The following KIF13A variants were observed in gnomAD, a reference collection of about 807,000 sequenced individuals.
KIF13A encodes the protein kinesin-like protein KIF13A.
A neutral mutation model predicts 212.2 loss-of-function variants in KIF13A; 79 were observed. The observed-to-expected ratio is 0.37, with a 90% CI of 0.31 to 0.45. KIF13A has a LOEUF of 0.45. KIF13A is among the 20% of genes least tolerant of loss of function. KIF13A has a pLI of 1.00. For synonymous variants in KIF13A, 789 were observed against 808.6 expected, an observed-to-expected ratio of 0.98 and a Z score of 0.41; for missense variants, 1,901 against 2,209.0, an observed-to-expected ratio of 0.86 and a Z score of 2.79.
chr6:17,837,720 G>A lies in KIF13A; in HGVS notation c.831-137C>T. 1 of 621,078 alleles carries A rather than the reference G, an allele frequency of 1.6e-6. No homozygotes were observed. The highest frequency in any genetic ancestry group is 2.8e-6 in the Non-Finnish European group (1 of 355,632). The allele number at this position is 621,078 out of a possible 1,614,324, so 38.5% of individuals were successfully genotyped here. A position where few individuals can be genotyped will look rare whatever the true frequency, so the allele number is the denominator to read the frequency against. Reference sequence around the variant, plus strand: ...TAATCCCAGCACTTTGGGAGGCCAAGGTGGATGAATCACTTGAGGCCAGGG... The same window carrying A: ...TAATCCCAGCACTTTGGGAGGCCAAAGTGGATGAATCACTTGAGGCCAGGG... On this transcript the variant is annotated intron_variant, in intron 9 of 38. Coordinates refer to ENST00000259711, the MANE Select transcript of KIF13A (RefSeq NM_022113.6). This position sits in a 1 kb window ranked among gnomAD's most constrained non-coding sequence, Gnocchi z 5.4.
rs1181164813 is a variant in KIF13A, at chr6:17,831,136, G to A, written c.1366C>T (p.Pro456Ser). 6.2e-7 allele frequency: 1 copy of A among 1,613,580 alleles called. No homozygotes were observed. Among genetic ancestry groups the A allele is most frequent in the Admixed American group, 1.7e-5 (1 of 59,966 alleles). Residue 456 changes from proline to serine, a missense_variant, in exon 13 of 39, where the codon CCT becomes TCT. This residue lies in a region of KIF13A where 506 missense variants were observed against 637.4 expected (regional missense o/e 0.79). Coordinates refer to ENST00000259711, the MANE Select transcript of KIF13A (RefSeq NM_022113.6). ...TAAACCAGAAGTTCGTTAAGAGCAG[G>A]GTCTGCATTCAGATTGACTAAGTAG... ...KCYLVNLNAD[P>S]ALNELLVYYL...
At chr6:17,858,805 G>A (rs1562064612) in intron 4 of KIF13A, among the ~76,000 whole-genome samples, 1 of 152,202 alleles carries the variant, frequency 6.6e-6, no homozygotes, top group East Asian at 1.9e-4. Flanking sequence ...CCCAGGAAGG[G>A]AGTGGGGTGA....
intron 2 of KIF13A, among the ~76,000 whole-genome samples, chr6:17,945,311 A>G (rs2150561621): frequency 6.6e-6 from 1 of 152,278 alleles, no homozygotes; most frequent in East Asian, 1.9e-4. Flanking sequence ...AAATAGGCTA[A>G]ACTGACTCAT....
chr6:17,965,390 G>C (rs1779214806), intron 2 of KIF13A, among the ~76,000 whole-genome samples: 1 of 152,156 alleles, frequency 6.6e-6, no homozygotes, highest in Non-Finnish European at 1.5e-5. Context: ...AGGTAGAGAT[G>C]AATAAGGCTT....
In KIF13A at chr6:17,898,128, C is replaced by A; in HGVS notation, c.159+40G>T. ...GTGATAAATCCTGGATTTTTGCACA[C>A]TAAGCCAGTATACATGCCAAATTTC... On this transcript the variant is annotated intron_variant, in intron 3 of 38. Coordinates refer to ENST00000259711, the MANE Select transcript of KIF13A (RefSeq NM_022113.6). The surrounding 1 kb of genome is among the most constrained non-coding windows in gnomAD (Gnocchi z 5.2). The A allele has an allele frequency of 6.2e-7, 1 of 1,602,614 alleles. No individual in the cohort carries two copies. The highest frequency in any genetic ancestry group is 8.5e-7 in the Non-Finnish European group (1 of 1,171,556).
chr6:17,825,274 A>C lies in KIF13A; in HGVS notation c.1786+494T>G, dbSNP rs4712313. On this transcript the variant is annotated intron_variant, in intron 16 of 38. Coordinates refer to ENST00000259711, the MANE Select transcript of KIF13A (RefSeq NM_022113.6). The surrounding 1 kb of genome is among the most constrained non-coding windows in gnomAD (Gnocchi z 4.5). ...GGCTATAAAGCATTTCATTTTCACT[A>C]TCATTTTTGTAAAAGTGATCTGGGC... Among the ~76,000 whole-genome samples, 69,485 of 152,080 alleles carry C rather than the reference A, an allele frequency of 0.46. 16,268 individuals are homozygous for C. The highest frequency in any genetic ancestry group is 0.53 in the South Asian group (2,569 of 4,824).
At chr6:17,790,784 G>A (rs1761466498) in intron 25 of KIF13A, among the ~76,000 whole-genome samples, 1 of 152,092 alleles carries the variant, frequency 6.6e-6, no homozygotes, top group African/African-American at 2.4e-5. Flanking sequence ...ACAAGGGTCT[G>A]TACTACACTG....
rs1760134862 is a variant in KIF13A, at chr6:17,777,792, T to C, written c.4093-438A>G. Among the ~76,000 whole-genome samples the C allele has an allele frequency of 6.6e-6, 1 of 151,146 alleles. No individual in the cohort carries two copies. ...ATACACATTTATAAAACTGAAATAT[T>C]ATTTTACCCACTTATTATTATTTGT... On this transcript the variant is annotated intron_variant, in intron 33 of 38. Transcript: ENST00000259711. The surrounding 1 kb of genome is among the most constrained non-coding windows in gnomAD (Gnocchi z 4.4).
rs370603510 is a variant in KIF13A, at chr6:17,799,445, G to C, written c.2617-6C>G. 1 of 1,521,768 alleles carries C rather than the reference G, an allele frequency of 6.6e-7. No homozygotes were observed. Among genetic ancestry groups the C allele is most frequent in the African/African-American group, 1.4e-5 (1 of 72,026 alleles). The allele number at this position is 1,521,768 out of a possible 1,614,324, so 94.3% of individuals were successfully genotyped here. On this transcript the variant is annotated splice_region_variant and splice_polypyrimidine_tract_variant and intron_variant, in intron 21 of 38. Transcript: ENST00000259711. The surrounding 1 kb of genome is among the most constrained non-coding windows in gnomAD (Gnocchi z 4.4). ...GTTGCTTCTTTAATTTTTACCTGAA[G>C]AGATAAACAATACAAATAAAACTCC... is the stretch of plus-strand genomic sequence containing the variant.
At chr6:17,863,504 T>A (rs965871387) in intron 4 of KIF13A, among the ~76,000 whole-genome samples, 7 of 152,116 alleles carry the variant, frequency 4.6e-5, no homozygotes, top group Non-Finnish European at 8.8e-5. Flanking sequence ...CCTTTTCAGC[T>A]GTGTGAACTC....
At chr6:17,887,772 C>A (rs946980151) in intron 3 of KIF13A, among the ~76,000 whole-genome samples, 14 of 152,114 alleles carry the variant, frequency 9.2e-5, no homozygotes, top group Non-Finnish European at 2.1e-4. Flanking sequence ...CGGCTCACTG[C>A]AACCTCTGCC....
intron 2 of KIF13A, among the ~76,000 whole-genome samples, chr6:17,930,676 G>A (rs1441414078): frequency 6.6e-6 from 1 of 152,200 alleles, no homozygotes; most frequent in Non-Finnish European, 1.5e-5. Flanking sequence ...AGGGAGTTAA[G>A]TAAGTTTCCA....
Position 17,987,174 on chromosome 6 carries a change from A to C in KIF13A, c.56-30T>G. On this transcript the variant is annotated intron_variant, in intron 1 of 38. Transcript: ENST00000259711. The surrounding 1 kb of genome is among the most constrained non-coding windows in gnomAD (Gnocchi z 7.7). Reference sequence around the variant, plus strand: ...AAGCAGAGAGAAAGGGACGTTGCAAAGTCCAGCATCCGCGCCTCCAGCCCG... The same window carrying C: ...AAGCAGAGAGAAAGGGACGTTGCAACGTCCAGCATCCGCGCCTCCAGCCCG... 1.3e-6 allele frequency: 2 copies of C among 1,549,110 alleles called. No homozygotes were observed. Among genetic ancestry groups the C allele is most frequent in the Non-Finnish European group, 1.8e-6 (2 of 1,129,446 alleles).
Position 17,828,309 on chromosome 6 carries a change from T to C in KIF13A, c.1463A>G (p.Gln488Arg). 6.2e-7 allele frequency: 1 copy of C among 1,610,892 alleles called. No homozygotes were observed. Residue 488 changes from glutamine to arginine, a missense_variant, in exon 14 of 39, where the codon CAG becomes CGG. Transcript: ENST00000259711. The surrounding 1 kb of genome is among the most constrained non-coding windows in gnomAD (Gnocchi z 4.3). ...AATGTCAATCTCACAGTGCTGAGGC[T>C]GAATTCCTATGCCAAAAAGCTGGAT... The part of the protein sequence containing the change: ...QDIQLFGIGI[Q>R]PQHCEIDIAS...
rs9396810 is a variant in KIF13A at position 17,818,164 on chromosome 6, C to A, written c.1787-931G>T. ...AATCATCATCACAGTTAATATTTCC[C>A]AGAACTATATTGGACTGAGAGATGC... On this transcript the variant is annotated intron_variant, in intron 16 of 38. Coordinates refer to ENST00000259711, the MANE Select transcript of KIF13A (RefSeq NM_022113.6). 1.5e-3 allele frequency among the ~76,000 whole-genome samples: 223 copies of A among 152,246 alleles called. 5 individuals carry two copies. The East Asian group carries it at 0.041, about 28-fold the overall frequency.
At position 17,783,878 on chromosome 6, in the gene KIF13A, G is replaced by A. The variant is rs1364377606; in HGVS notation, c.3489-177C>T. On this transcript the variant is annotated intron_variant, in intron 28 of 38. Transcript: ENST00000259711. This position sits in a 1 kb window ranked among gnomAD's most constrained non-coding sequence, Gnocchi z 4.3. ...TAGACATAAATCATGGGAATTATAT[G>A]ACTTACATAAAAGAACTTCCAGTTA... 6.6e-6 allele frequency among the ~76,000 whole-genome samples: 1 copy of A among 152,156 alleles called. No individual in the cohort carries two copies. The highest frequency in any genetic ancestry group is 2.4e-5 in the African/African-American group (1 of 41,432).
intron 6 of KIF13A, among the ~76,000 whole-genome samples, chr6:17,852,382 T>C (rs9465077): frequency 0.067 from 10,251 of 152,242 alleles, 590 homozygotes; most frequent in African/African-American, 0.15. Flanking sequence ...CTTTCGGCTA[T>C]TTCATAAATA....
rs576824539 is a variant in KIF13A, at chr6:17,949,932, T to A, written c.146+37122A>T. ...TTTCACATTCATAAAACACACTGAT[T>A]AACTAACATATTTCCTACAAAATGC... On this transcript the variant is annotated intron_variant, in intron 2 of 38. Coordinates refer to ENST00000259711, the MANE Select transcript of KIF13A (RefSeq NM_022113.6). Among the ~76,000 whole-genome samples the A allele has an allele frequency of 1.5e-3, 233 of 152,204 alleles. 1 individual carries two copies. The highest frequency in any genetic ancestry group is 5.4e-3 in the African/African-American group (226 of 41,566).
chr6:17,891,786 T>G (rs551897660), intron 3 of KIF13A, among the ~76,000 whole-genome samples: 12 of 152,150 alleles, frequency 7.9e-5, no homozygotes, highest in East Asian at 3.9e-4. Flanking sequence ...GACACCCAAT[T>G]TGGGGAGAAC....
Sources: allele counts gnomAD v4.1 joint callset (sites outside exome capture counted in the v4.1 genomes callset), GRCh38; gene constraint gnomAD v4.1.1; regional missense constraint gnomAD v4.1.1; non-coding constraint Gnocchi (gnomAD v3.1); transcripts MANE v1.5; gene names NCBI Gene and HGNC (gene_info 2026-07-23, HGNC 2026-07-21).